The following KIAA1549L variants were observed in gnomAD, a reference collection of about 807,000 sequenced individuals.
KIAA1549L encodes the protein UPF0606 protein KIAA1549L.
KIAA1549L carries 88 observed loss-of-function variants against 160.7 expected under a neutral mutation model. The observed-to-expected ratio is 0.55, with a 90% CI of 0.46 to 0.65. KIAA1549L has a LOEUF of 0.65. KIAA1549L is among the 30% of genes least tolerant of loss of function. The pLI, the probability that KIAA1549L is intolerant of heterozygous loss-of-function variation, is 0.00. For missense variants in KIAA1549L, 2,258 were observed against 2,437.5 expected, an observed-to-expected ratio of 0.93 and a Z score of 1.55; for synonymous variants, 950 against 976.7, an observed-to-expected ratio of 0.97 and a Z score of 0.51.
intron 6 of KIAA1549L, among the ~76,000 whole-genome samples, chr11:33,553,814 A>T (rs1172261689): frequency 1.3e-5 from 2 of 152,220 alleles, no homozygotes; most frequent in Non-Finnish European, 2.9e-5. Context: ...ACTGGGAAGG[A>T]CACCAAGATA....
chr11:33,441,890 G>A (rs952053949), intron 1 of KIAA1549L, among the ~76,000 whole-genome samples: 5 of 151,782 alleles, frequency 3.3e-5, no homozygotes, highest in Non-Finnish European at 7.4e-5. Context: ...CTCTGATGGT[G>A]GTTTCTTTTG....
chr11:33,447,588 C>G (rs1430670423), intron 1 of KIAA1549L, among the ~76,000 whole-genome samples: 2 of 146,840 alleles, frequency 1.4e-5, no homozygotes, highest in African/African-American at 5.1e-5. Context: ...CCTATCTAGT[C>G]AGTTTTTATT....
intron 1 of KIAA1549L, among the ~76,000 whole-genome samples, chr11:33,431,390 T>C (rs1851238518): frequency 6.6e-6 from 1 of 151,628 alleles, no homozygotes. Flanking sequence ...GACAGGGCGC[T>C]GATTGGTGTG....
At chr11:33,652,648 T>C (rs1851931357) in intron 17 of KIAA1549L, among the ~76,000 whole-genome samples, 1 of 152,216 alleles carries the variant, frequency 6.6e-6, no homozygotes, top group Admixed American at 6.5e-5. Flanking sequence ...CTCCGCTGAA[T>C]AGCATGAGAG....
Position 33,614,584 on chromosome 11 carries a change from A to ATTTTT in KIAA1549L, c.5280-3922_5280-3918dup, listed in dbSNP as rs869257067. On this transcript the variant is annotated intron_variant, in intron 15 of 20. Transcript: ENST00000658780. ...TATATATATATATATATATATATATATTTTTTTTTTTTTTTTTTTTTTTTT... is the reference window on the plus strand; with the variant it reads ...TATATATATATATATATATATATATATTTTTTTTTTTTTTTTTTTTTTTTTTTTTT... Among the ~76,000 whole-genome samples, 4 of 5,120 alleles carry ATTTTT rather than the reference A, an allele frequency of 7.8e-4. 1 individual carries two copies. The highest frequency in any genetic ancestry group is 1.1e-3 in the Non-Finnish European group (3 of 2,852). The allele number at this position is 5,120 out of a possible 152,430, so 3.4% of individuals were successfully genotyped here.
chr11:33,508,404 C>T (rs959317071), intron 1 of KIAA1549L, among the ~76,000 whole-genome samples: 1 of 152,176 alleles, frequency 6.6e-6, no homozygotes, highest in African/African-American at 2.4e-5. Context: ...GACTGTTAGC[C>T]TTAATGGGAG....
At chr11:33,488,721 TC>T (rs139869755) in intron 1 of KIAA1549L, among the ~76,000 whole-genome samples, 2,827 of 152,334 alleles carry the variant, frequency 0.019, 78 homozygotes, top group African/African-American at 0.062. Flanking sequence ...AACAACTAAG[TC>T]ATATTACATT....
intron 1 of KIAA1549L, among the ~76,000 whole-genome samples, chr11:33,473,118 G>A: frequency 6.6e-6 from 1 of 152,214 alleles, no homozygotes; most frequent in South Asian, 2.1e-4. Context: ...GGCTGTGGCT[G>A]TAGTGTCTGT....
chr11:33,555,173 A>G (rs540966166), intron 6 of KIAA1549L, among the ~76,000 whole-genome samples: 1 of 138,964 alleles, frequency 7.2e-6, no homozygotes, highest in South Asian at 2.3e-4. Flanking sequence ...TAAAGAAGAC[A>G]AATAAATGGA....
At chr11:33,657,634 T>G (rs575109685) in intron 18 of KIAA1549L, among the ~76,000 whole-genome samples, 1 of 152,102 alleles carries the variant, frequency 6.6e-6, no homozygotes, top group East Asian at 1.9e-4. Flanking sequence ...CCGTCTACAC[T>G]AAAAATACAA....
chr11:33,383,675 G>A (rs867995022), intron 1 of KIAA1549L, among the ~76,000 whole-genome samples: 6 of 152,144 alleles, frequency 3.9e-5, no homozygotes, highest in East Asian at 1.9e-4. Flanking sequence ...ACTCTCACTC[G>A]GGCAGGTGTG....
At position 33,401,216 on chromosome 11, in the gene KIAA1549L, CATATG is replaced by C. The variant is rs1025526840; in HGVS notation, c.238+24333_238+24337del. Among the ~76,000 whole-genome samples the C allele has an allele frequency of 8.2e-5, 12 of 146,844 alleles. No individual in the cohort carries two copies. The South Asian group carries it at 1.1e-3, about 13-fold the overall frequency. On this transcript the variant is annotated intron_variant, in intron 1 of 20. Coordinates refer to ENST00000658780, the MANE Select transcript of KIAA1549L (RefSeq NM_012194.3). ...ATATATATATATGTAAAATATATCT[CATATG>C]ATATGTATTATATATTAATATAGTA...
chr11:33,413,074 C>A (rs768725456), intron 1 of KIAA1549L, among the ~76,000 whole-genome samples: 53 of 152,008 alleles, frequency 3.5e-4, no homozygotes, highest in Admixed American at 9.8e-4. Context: ...GAACATGAAT[C>A]CCATGAGATC....
rs878963227 is a variant in KIAA1549L at position 33,669,036 on chromosome 11, C to T, written c.*882C>T. 1.3e-5 allele frequency: 2 copies of T among 152,148 alleles called. No homozygotes were observed. The highest frequency in any genetic ancestry group is 4.1e-4 in the South Asian group (2 of 4,828). 9.4% of individuals were successfully genotyped at this position (152,148 alleles called of 1,614,324 possible). A position where few individuals can be genotyped will look rare whatever the true frequency, so the allele number is the denominator to read the frequency against. ...TTTCTTGGGATAATAGATACATCAA[C>T]TTTTACAAGAAAATCTCTGTCTCTT... On this transcript the variant is annotated 3_prime_UTR_variant, in exon 21 of 21. Coordinates refer to ENST00000658780, the MANE Select transcript of KIAA1549L (RefSeq NM_012194.3).
intron 1 of KIAA1549L, among the ~76,000 whole-genome samples, chr11:33,454,921 C>G (rs1851791625): frequency 6.6e-6 from 1 of 151,990 alleles, no homozygotes; most frequent in Non-Finnish European, 1.5e-5. Context: ...AACCCCGTCT[C>G]TACTAAAAAT....
chr11:33,471,353 A>G (rs759500021), intron 1 of KIAA1549L, among the ~76,000 whole-genome samples: 22 of 151,832 alleles, frequency 1.4e-4, no homozygotes, highest in African/African-American at 5.3e-4. Flanking sequence ...TAGCCACTTC[A>G]TTAGTTCTCT....
intron 12 of KIAA1549L, among the ~76,000 whole-genome samples, chr11:33,593,725 T>A (rs1245250407): frequency 1.3e-5 from 2 of 152,110 alleles, no homozygotes; most frequent in East Asian, 3.9e-4. Flanking sequence ...GGAGAAGTAG[T>A]TTGTAGGGGA....
At position 33,519,122 on chromosome 11, in the gene KIAA1549L, G is replaced by T. The variant is rs184563121; in HGVS notation, c.239-22680G>T. Reference sequence around the variant, plus strand: ...GTTTTGAACATGAGAACTGTCTAATGTAGGTTAGCATGAAAAATAACCAGT... The same window carrying T: ...GTTTTGAACATGAGAACTGTCTAATTTAGGTTAGCATGAAAAATAACCAGT... On this transcript the variant is annotated intron_variant, in intron 1 of 20. Coordinates refer to ENST00000658780, the MANE Select transcript of KIAA1549L (RefSeq NM_012194.3). 2.1e-4 allele frequency among the ~76,000 whole-genome samples: 32 copies of T among 152,294 alleles called. No homozygotes were observed. In the East Asian group the frequency reaches 6.0e-3, roughly 28 times the overall value.
chr11:33,576,307 C>T (rs897097924), intron 10 of KIAA1549L, among the ~76,000 whole-genome samples: 1 of 152,160 alleles, frequency 6.6e-6, no homozygotes, highest in Non-Finnish European at 1.5e-5. Flanking sequence ...CTTGTATTGT[C>T]TTGCTCGGCC....
Sources: allele counts gnomAD v4.1 joint callset (sites outside exome capture counted in the v4.1 genomes callset), GRCh38; gene constraint gnomAD v4.1.1; transcripts MANE v1.5; gene names NCBI Gene and HGNC (gene_info 2026-07-23, HGNC 2026-07-21).